The following RGS6 variants were observed in gnomAD, a reference collection of about 807,000 sequenced individuals.
The protein encoded by RGS6 is regulator of G protein signaling 6, also known as regulator of G-protein signaling 6.
RGS6 carries 30 observed loss-of-function variants against 78.5 expected under a neutral mutation model. The observed-to-expected ratio is 0.38, with a 90% CI of 0.29 to 0.52. The LOEUF is 0.52. Among genes scored for constraint, RGS6 ranks in the 20% least tolerant of loss-of-function variants. RGS6 has a pLI of 0.85. For missense variants in RGS6, 495 were observed against 609.7 expected, an observed-to-expected ratio of 0.81 and a Z score of 1.98; for synonymous variants, 206 against 206.0, an observed-to-expected ratio of 1.00 and a Z score of 0.00.
At chr14:72,157,189 ATTGT>A (rs1297133463) in intron 2 of RGS6, among the ~76,000 whole-genome samples, 3 of 152,198 alleles carry the variant, frequency 2.0e-5, no homozygotes, top group African/African-American at 7.2e-5. Context: ...ACATTTGAAC[ATTGT>A]GCCTCAGCAG....
chr14:72,586,606 T>C, the RGS6 span, among the ~76,000 whole-genome samples: 2 of 152,206 alleles, frequency 1.3e-5, no homozygotes, highest in Non-Finnish European at 2.9e-5. Context: ...CAGGGCACTT[T>C]GGTCAGAAAG....
At chr14:72,047,894 TTTTG>T (rs771573662) in intron 2 of RGS6, among the ~76,000 whole-genome samples, 56,706 of 115,708 alleles carry the variant, frequency 0.49, 14,131 homozygotes, top group African/African-American at 0.61. Context: ...CCCAGCTAAT[TTTTG>T]TTTTTTTTTT....
the RGS6 span, among the ~76,000 whole-genome samples, chr14:71,887,979 C>A: frequency 1.3e-5 from 2 of 152,312 alleles, no homozygotes; most frequent in African/African-American, 4.8e-5. Flanking sequence ...TGGTCTGAGA[C>A]TCAAGCGGGC....
At chr14:72,162,775 G>A (rs148260170) in intron 2 of RGS6, among the ~76,000 whole-genome samples, 2 of 152,082 alleles carry the variant, frequency 1.3e-5, no homozygotes, top group South Asian at 2.1e-4. Flanking sequence ...AGTGGATAAA[G>A]ACACTGTGAG....
rs902234542 is a variant in RGS6, at chr14:72,536,280, C to T, written c.1368+5C>T. The T allele has an allele frequency of 1.9e-6, 3 of 1,612,110 alleles. No homozygotes were observed. Among genetic ancestry groups the T allele is most frequent in the Non-Finnish European group, 2.5e-6 (3 of 1,178,262 alleles). On this transcript the variant is annotated splice_donor_5th_base_variant and intron_variant, in intron 16 of 17. Transcript: ENST00000553525. Reference sequence around the variant, plus strand: ...TTGCTGCTGGCCAAGAAGAAGGTATCTTTGGGAAGGGCAGGCTTGCTCTTA... The same window carrying T: ...TTGCTGCTGGCCAAGAAGAAGGTATTTTTGGGAAGGGCAGGCTTGCTCTTA...
At chr14:71,932,245 G>A (rs2087931156), upstream of RGS6, among the ~76,000 whole-genome samples, 2 of 151,948 alleles carry the variant, frequency 1.3e-5, no homozygotes, top group African/African-American at 4.8e-5. Context: ...TGAGCCGTGC[G>A]GCGGCGCCCG....
chr14:72,337,284 GTAAAAGCC>G (rs1402939843), intron 2 of RGS6, among the ~76,000 whole-genome samples: 1 of 124,660 alleles, frequency 8.0e-6, no homozygotes, highest in East Asian at 2.3e-4. Context: ...CCCCTCCCCT[GTAAAAGCC>G]TTTCTTCTTA....
chr14:72,369,828 A>G (rs940079796), intron 3 of RGS6, among the ~76,000 whole-genome samples: 1 of 152,196 alleles, frequency 6.6e-6, no homozygotes, highest in South Asian at 2.1e-4. Context: ...GATGGAATTA[A>G]ATCAATTAGT....
chr14:72,425,958 C>T (rs1002428766), intron 3 of RGS6, among the ~76,000 whole-genome samples: 14 of 152,120 alleles, frequency 9.2e-5, no homozygotes, highest in Non-Finnish European at 1.5e-4. Context: ...GAAAGAGAAT[C>T]TAAGCGGTAA....
chr14:72,306,341 TTTC>T (rs1188238799), intron 2 of RGS6, among the ~76,000 whole-genome samples: 1 of 152,228 alleles, frequency 6.6e-6, no homozygotes, highest in East Asian at 1.9e-4. Flanking sequence ...GGCATGTTGT[TTTC>T]ATGCCTGCTA....
At chr14:72,390,023 A>C (rs2089497888) in intron 3 of RGS6, among the ~76,000 whole-genome samples, 1 of 152,194 alleles carries the variant, frequency 6.6e-6, no homozygotes, top group African/African-American at 2.4e-5. Flanking sequence ...AAAATCCTTA[A>C]AAAATAAACG....
chr14:72,050,100 G>C (rs1192866758), intron 2 of RGS6, among the ~76,000 whole-genome samples: 2 of 152,038 alleles, frequency 1.3e-5, no homozygotes, highest in South Asian at 2.1e-4. Context: ...TGGAAAAACA[G>C]AAATTTGCAA....
At chr14:72,143,941 A>C (rs748563838) in intron 2 of RGS6, among the ~76,000 whole-genome samples, 2 of 152,236 alleles carry the variant, frequency 1.3e-5, no homozygotes, top group Non-Finnish European at 2.9e-5. Flanking sequence ...GAGATATGTC[A>C]GTCACAGGAC....
rs115464620 is a variant in RGS6, at chr14:72,285,484, G to T, written c.85-66611G>T. 3.1e-3 allele frequency among the ~76,000 whole-genome samples: 470 copies of T among 152,112 alleles called. 1 individual carries two copies. The highest frequency in any genetic ancestry group is 0.011 in the African/African-American group (453 of 41,482). On this transcript the variant is annotated intron_variant, in intron 2 of 17. Transcript: ENST00000553525. ...TAAGATGTCCTTTTTGCCTTCCACC[G>T]TCATCATGTGGAACTGTGAGTCCAT...
intron 4 of RGS6, among the ~76,000 whole-genome samples, chr14:72,457,906 G>A (rs980424957): frequency 5.9e-5 from 9 of 152,156 alleles, no homozygotes; most frequent in South Asian, 4.2e-4. Context: ...TAGCACTTAC[G>A]GAGTATTTGA....
At chr14:72,064,331 G>T (rs1222596458) in intron 2 of RGS6, among the ~76,000 whole-genome samples, 1 of 152,182 alleles carries the variant, frequency 6.6e-6, no homozygotes, top group African/African-American at 2.4e-5. Context: ...TTGTTGACAG[G>T]CATGAGAGGG....
intron 2 of RGS6, among the ~76,000 whole-genome samples, chr14:72,024,389 C>T (rs542476985): frequency 3.3e-5 from 5 of 152,280 alleles, no homozygotes; most frequent in South Asian, 4.1e-4. Context: ...AGGTTTTCAT[C>T]GTTGGCTGAG....
At chr14:72,391,093 G>A (rs749342301) in intron 3 of RGS6, among the ~76,000 whole-genome samples, 1 of 152,168 alleles carries the variant, frequency 6.6e-6, no homozygotes, top group Non-Finnish European at 1.5e-5. Flanking sequence ...CCGAAATCAG[G>A]ACAAACAGCT....
At chr14:71,875,342 G>C in the RGS6 span, among the ~76,000 whole-genome samples, 4 of 152,090 alleles carry the variant, frequency 2.6e-5, no homozygotes, top group African/African-American at 9.7e-5. Flanking sequence ...GTTCTATTCA[G>C]GGATTCAATT....
Sources: gnomAD v4.1 joint callset for allele counts (sites outside exome capture counted in the v4.1 genomes callset) on GRCh38, gnomAD v4.1.1 for gene constraint, MANE v1.5 for transcripts, NCBI Gene and HGNC (gene_info 2026-07-23, HGNC 2026-07-21) for gene names.